Variants in NEK6 observed in about 807,000 individuals in gnomAD.
NEK6 encodes the protein serine/threonine-protein kinase Nek6.
A neutral mutation model predicts 43.5 loss-of-function variants in NEK6; 27 were observed. That is an observed-to-expected ratio of 0.62 (90% confidence interval 0.46 to 0.86). The LOEUF is 0.86. Ranked by LOEUF, NEK6 falls within the 40% of genes least tolerant of loss-of-function variation. The pLI, the probability that NEK6 is intolerant of heterozygous loss-of-function variation, is 0.00. For synonymous variants in NEK6, 167 were observed against 164.1 expected (o/e 1.02, Z -0.14); for missense variants, 318 against 414.4 (o/e 0.77, Z 2.02).
chr9:124,297,392 C>G (rs1352309278), intron 1 of NEK6, among the ~76,000 whole-genome samples: 5 of 152,210 alleles, frequency 3.3e-5, no homozygotes, highest in Non-Finnish European at 5.9e-5. Flanking sequence ...GCCCATTTTC[C>G]AGATGAAGAA....
At chr9:124,308,485 C>A (rs1443686889) in intron 2 of NEK6, among the ~76,000 whole-genome samples, 1 of 151,896 alleles carries the variant, frequency 6.6e-6, no homozygotes, top group South Asian at 2.1e-4. Context: ...AACCCCATCT[C>A]TACTAAAAAT....
chr9:124,317,056 A>G (rs1241763304), intron 4 of NEK6, among the ~76,000 whole-genome samples: 1 of 152,198 alleles, frequency 6.6e-6, no homozygotes, highest in Non-Finnish European at 1.5e-5. Context: ...TCCTCATAGC[A>G]GCTTGCCCAC....
chr9:124,272,659 C>G (rs1432304830), intron 1 of NEK6, among the ~76,000 whole-genome samples: 2 of 152,240 alleles, frequency 1.3e-5, no homozygotes, highest in African/African-American at 4.8e-5. Context: ...CCCAGGCTCT[C>G]CTGAGACTCA....
At chr9:124,288,383 C>G (rs1229573642) in intron 1 of NEK6, among the ~76,000 whole-genome samples, 1 of 152,164 alleles carries the variant, frequency 6.6e-6, no homozygotes, top group African/African-American at 2.4e-5. Context: ...TCTCCTGAAT[C>G]AAGTGATTCA....
In NEK6 at chr9:124,348,797, G is replaced by A. The variant is rs541384867; in HGVS notation, c.831+975G>A. On this transcript the variant is annotated intron_variant, in intron 9 of 9. Coordinates refer to ENST00000320246, the MANE Select transcript of NEK6 (RefSeq NM_014397.6). ...GGCCCACCCCATAGGACCACAGGCCGTCACCTCACGATAATAACAGCTCAT... is the reference window on the plus strand; with the variant it reads ...GGCCCACCCCATAGGACCACAGGCCATCACCTCACGATAATAACAGCTCAT... Among the ~76,000 whole-genome samples, 179 of 152,330 alleles carry A rather than the reference G, an allele frequency of 1.2e-3. 4 individuals carry two copies. The highest frequency in any genetic ancestry group is 3.2e-3 in the African/African-American group (134 of 41,572).
At chr9:124,315,667 G>A (rs1833777076) in intron 4 of NEK6, among the ~76,000 whole-genome samples, 1 of 152,330 alleles carries the variant, frequency 6.6e-6, no homozygotes, top group African/African-American at 2.4e-5. Flanking sequence ...CCACAGGTGA[G>A]CATGCTGAGC....
At chr9:124,269,540 AT>A (rs544454675) in intron 1 of NEK6, among the ~76,000 whole-genome samples, 46 of 150,880 alleles carry the variant, frequency 3.0e-4, no homozygotes, top group African/African-American at 1.1e-3. Flanking sequence ...CGCCCGGCTA[AT>A]TTTTTTTTGT....
rs12555646 is a variant in NEK6 at position 124,351,453 on chromosome 9, C to T, written c.*506C>T. The T allele has an allele frequency of 0.064, 9,791 of 152,260 alleles. 925 individuals carry two copies. The highest frequency in any genetic ancestry group is 0.45 in the East Asian group (2,346 of 5,164). 9.4% of individuals were successfully genotyped at this position (152,260 alleles called of 1,614,324 possible). A position where few individuals can be genotyped will look rare whatever the true frequency, so the allele number is the denominator to read the frequency against. On this transcript the variant is annotated 3_prime_UTR_variant, in exon 10 of 10. Coordinates refer to ENST00000320246, the MANE Select transcript of NEK6 (RefSeq NM_014397.6). Reference sequence around the variant, plus strand: ...GGATAAAGTGGAAATCATTTTTTTCCGTGGAGTGGTGATTCTGCTAACATT... The same window carrying T: ...GGATAAAGTGGAAATCATTTTTTTCTGTGGAGTGGTGATTCTGCTAACATT...
At chr9:124,348,434 T>C (rs542459781) in intron 9 of NEK6, among the ~76,000 whole-genome samples, 2 of 152,312 alleles carry the variant, frequency 1.3e-5, no homozygotes, top group Admixed American at 6.5e-5. Context: ...ATGGGACTAA[T>C]AATCTCCTTG....
At chr9:124,336,975 G>A (rs911413944) in intron 7 of NEK6, among the ~76,000 whole-genome samples, 9 of 147,214 alleles carry the variant, frequency 6.1e-5, no homozygotes, top group Admixed American at 2.7e-4. Context: ...CAGCCTGGGC[G>A]ACAGAGCGAG....
At chr9:124,300,585 G>A (rs1033174355) in intron 1 of NEK6, among the ~76,000 whole-genome samples, 1 of 152,152 alleles carries the variant, frequency 6.6e-6, no homozygotes, top group Non-Finnish European at 1.5e-5. Flanking sequence ...GTAGGCATGG[G>A]ATTTATGAAG....
chr9:124,315,329 G>C lies in NEK6; in HGVS notation c.294+1344G>C, dbSNP rs571847906. On this transcript the variant is annotated intron_variant, in intron 4 of 9. Coordinates refer to ENST00000320246, the MANE Select transcript of NEK6 (RefSeq NM_014397.6). The stretch of plus-strand genomic sequence containing the variant: ...TTATGGGAGGTTGGGGAGACAGAAG[G>C]CTGGACATGGCAGCAGAGCCAGATA... Among the ~76,000 whole-genome samples, 3 of 152,268 alleles carry C rather than the reference G, an allele frequency of 2.0e-5. No individual in the cohort carries two copies. The East Asian group carries it at 5.8e-4, about 29-fold the overall frequency.
intron 1 of NEK6, among the ~76,000 whole-genome samples, chr9:124,270,504 T>G (rs1831395099): frequency 6.6e-6 from 1 of 151,830 alleles, no homozygotes; most frequent in Non-Finnish European, 1.5e-5. Context: ...AGATGCAAGT[T>G]CCCTTGTTCA....
intron 1 of NEK6, among the ~76,000 whole-genome samples, chr9:124,300,392 G>A (rs932098024): frequency 6.6e-6 from 1 of 152,142 alleles, no homozygotes; most frequent in Non-Finnish European, 1.5e-5. Flanking sequence ...TGTTAATGGG[G>A]GCGTGGGTCT....
rs914823673 is a variant in NEK6, at chr9:124,295,781, A to G, written c.-29-6155A>G. 1.3e-5 allele frequency among the ~76,000 whole-genome samples: 2 copies of G among 152,192 alleles called. 1 individual carries two copies. The highest frequency in any genetic ancestry group is 1.3e-4 in the Admixed American group (2 of 15,280). The stretch of plus-strand genomic sequence containing the variant: ...GCCAGCCAGTGTGCCTGGGCGTGGC[A>G]TTCCTTACAGCCCCTGGGCTTGCGC... On this transcript the variant is annotated intron_variant, in intron 1 of 9. Transcript: ENST00000320246.
chr9:124,269,525 C>T (rs1266556447), intron 1 of NEK6, among the ~76,000 whole-genome samples: 2 of 152,080 alleles, frequency 1.3e-5, no homozygotes, highest in Non-Finnish European at 2.9e-5. Flanking sequence ...AGGCACCCAC[C>T]ACCACGCCCG....
chr9:124,347,232 C>T (rs1829979133), intron 8 of NEK6, among the ~76,000 whole-genome samples: 1 of 152,252 alleles, frequency 6.6e-6, no homozygotes, highest in African/African-American at 2.4e-5. Context: ...AGTGAAATGC[C>T]TCACCCTTCT....
At chr9:124,268,670 C>G (rs1205877836) in intron 1 of NEK6, among the ~76,000 whole-genome samples, 2 of 152,202 alleles carry the variant, frequency 1.3e-5, no homozygotes, top group African/African-American at 4.8e-5. Context: ...CAGAAACAAT[C>G]CAGATGCCCC....
intron 1 of NEK6, chr9:124,292,147 A>G: frequency 8.2e-7 from 1 of 1,219,014 alleles, no homozygotes; most frequent in Non-Finnish European, 1.0e-6. Context: ...GGGTGTGTCC[A>G]GCGAGGGATG....
Sources: allele counts gnomAD v4.1 joint callset (sites outside exome capture counted in the v4.1 genomes callset), GRCh38; gene constraint gnomAD v4.1.1; transcripts MANE v1.5; gene names NCBI Gene and HGNC (gene_info 2026-07-23, HGNC 2026-07-21).